Variants in LRRC7 observed in about 807,000 individuals in gnomAD.
The protein encoded by LRRC7 is leucine rich repeat containing 7.
LRRC7 carries 23 observed loss-of-function variants against 175.7 expected under a neutral mutation model. The ratio of observed to expected loss-of-function variants is 0.13; its 90% confidence interval spans 0.09 to 0.19. The LOEUF is 0.19. Among genes scored for constraint, LRRC7 ranks in the 10% least tolerant of loss-of-function variants. The pLI, the probability that LRRC7 is intolerant of heterozygous loss-of-function variation, is 1.00. For synonymous variants in LRRC7, 685 were observed against 680.9 expected (o/e 1.01, Z -0.09); for missense variants, 1,354 against 1,904.7 (o/e 0.71, Z 5.38).
chr1:70,056,319 T>C (rs912653148), intron 23 of LRRC7, among the ~76,000 whole-genome samples: 10 of 151,954 alleles, frequency 6.6e-5, no homozygotes, highest in Admixed American at 2.0e-4. Context: ...AAAGAAATAA[T>C]CAAAGATTAG....
rs769065058 is a variant in LRRC7, at chr1:69,881,714, CAAAA to C, written c.647+43439_647+43442del. Among the ~76,000 whole-genome samples, 586 of 93,558 alleles carry C rather than the reference CAAAA, an allele frequency of 6.3e-3. 3 individuals carry two copies. Among genetic ancestry groups the C allele is most frequent in the African/African-American group, 0.021 (541 of 25,346 alleles). 61.4% of individuals were successfully genotyped at this position (93,558 alleles called of 152,430 possible). A position where few individuals can be genotyped will look rare whatever the true frequency, so the allele number is the denominator to read the frequency against. ...CAACATAGTAAGATCCCCATCTCTA[CAAAA>C]AAAAAAACAAAATTAACCAAGAGTG... On this transcript the variant is annotated intron_variant, in intron 7 of 26. Transcript: ENST00000651989.
chr1:69,876,264 C>G (rs1570454698), intron 7 of LRRC7, among the ~76,000 whole-genome samples: 1 of 152,218 alleles, frequency 6.6e-6, no homozygotes, highest in African/African-American at 2.4e-5. Context: ...ATCAAATCAA[C>G]TTTTCTTGAG....
chr1:69,983,132 G>A (rs1653602747), intron 9 of LRRC7, among the ~76,000 whole-genome samples: 1 of 152,140 alleles, frequency 6.6e-6, no homozygotes, highest in Non-Finnish European at 1.5e-5. Context: ...ATAGTTCCTT[G>A]GGATGGAAAG....
intron 18 of LRRC7, among the ~76,000 whole-genome samples, chr1:70,030,843 A>T (rs781683005): frequency 6.6e-6 from 1 of 152,256 alleles, no homozygotes; most frequent in African/African-American, 2.4e-5. Flanking sequence ...CATTTTGCCA[A>T]CTAGATGCCA....
intron 2 of LRRC7, among the ~76,000 whole-genome samples, chr1:69,697,993 A>C (rs1662833192): frequency 6.6e-6 from 1 of 152,208 alleles, no homozygotes; most frequent in Non-Finnish European, 1.5e-5. Context: ...ATCTGTGCTC[A>C]CATCTTCAGA....
chr1:69,643,405 C>T (rs1009671416), intron 1 of LRRC7, among the ~76,000 whole-genome samples: 2 of 152,086 alleles, frequency 1.3e-5, no homozygotes, highest in South Asian at 4.1e-4. Flanking sequence ...TGTGTATCTG[C>T]AGAACCTGGC....
intron 7 of LRRC7, 119 bp downstream of exon 7, chr1:69,838,402 C>A: frequency 1.3e-6 from 1 of 742,046 alleles, no homozygotes; most frequent in Non-Finnish European, 2.3e-6. Context: ...ACACATTTTT[C>A]CTAAAGGCCA....
At chr1:69,886,315 T>C (rs1687192057) in intron 7 of LRRC7, among the ~76,000 whole-genome samples, 1 of 151,022 alleles carries the variant, frequency 6.6e-6, no homozygotes, top group Non-Finnish European at 1.5e-5. Flanking sequence ...ATTGGGTGCA[T>C]ATATATTTAG....
chr1:69,855,351 A>G (rs905820846), intron 7 of LRRC7, among the ~76,000 whole-genome samples: 35 of 152,130 alleles, frequency 2.3e-4, no homozygotes, highest in Non-Finnish European at 4.7e-4. Context: ...GTTTCAGAGA[A>G]CATCTTTATT....
At chr1:70,092,774 C>A (rs1483605743) in intron 25 of LRRC7, among the ~76,000 whole-genome samples, 2 of 152,110 alleles carry the variant, frequency 1.3e-5, no homozygotes, top group Non-Finnish European at 2.9e-5. Context: ...CAGAAAAACA[C>A]TTAGGGCAGC....
chr1:69,731,068 G>A (rs1042342112), intron 2 of LRRC7, among the ~76,000 whole-genome samples: 4 of 152,090 alleles, frequency 2.6e-5, no homozygotes, highest in African/African-American at 9.7e-5. Context: ...TTGGGAGGCT[G>A]AGGTGGGCGG....
intron 1 of LRRC7, among the ~76,000 whole-genome samples, chr1:69,667,224 A>G (rs1206840996): frequency 1.3e-5 from 2 of 151,592 alleles, no homozygotes; most frequent in African/African-American, 2.4e-5. Flanking sequence ...GTGATTTAAC[A>G]TATGGTCTAT....
At chr1:69,852,971 C>T (rs1683156358) in intron 7 of LRRC7, among the ~76,000 whole-genome samples, 1 of 152,084 alleles carries the variant, frequency 6.6e-6, no homozygotes. Context: ...CATAATGCAA[C>T]TATAATTGCT....
intron 17 of LRRC7, among the ~76,000 whole-genome samples, chr1:70,023,965 T>G (rs551664581): frequency 3.9e-5 from 6 of 152,138 alleles, no homozygotes; most frequent in Admixed American, 6.5e-5. Flanking sequence ...TCTCTGTGGT[T>G]GGGTGTTTTA....
At chr1:69,964,831 A>G (rs1651499586) in intron 8 of LRRC7, among the ~76,000 whole-genome samples, 1 of 152,218 alleles carries the variant, frequency 6.6e-6, no homozygotes, top group South Asian at 2.1e-4. Flanking sequence ...TTTGACACCT[A>G]CATAGTCCAT....
intron 1 of LRRC7, among the ~76,000 whole-genome samples, chr1:69,646,750 C>T (rs770477827): frequency 2.6e-5 from 4 of 152,070 alleles, no homozygotes; most frequent in Non-Finnish European, 4.4e-5. Flanking sequence ...CCAGTGCAGC[C>T]GAACCTCTAT....
rs190838186 is a variant in LRRC7 at position 70,086,186 on chromosome 1, C to A, written c.4453-3541C>A. Among the ~76,000 whole-genome samples the A allele has an allele frequency of 8.5e-5, 13 of 152,072 alleles. No homozygotes were observed. In the East Asian group the frequency reaches 2.5e-3, roughly 29 times the overall value. On this transcript the variant is annotated intron_variant, in intron 24 of 26. Transcript: ENST00000651989. ...TCACCCAGGCTGGAATGCAGTGGCA[C>A]AGTCATAGCTCACTGCAGCATCAAA...
intron 7 of LRRC7, among the ~76,000 whole-genome samples, chr1:69,853,270 CTTTTTTTTTTTTT>C (rs1163071175): frequency 4.0e-4 from 35 of 88,018 alleles, no homozygotes; most frequent in Middle Eastern, 9.3e-3. Flanking sequence ...TCCTTTCTTT[CTTTTTTTTTTTTT>C]TTTTTTTTTT....
chr1:70,104,824 G>C (rs1665034937), intron 25 of LRRC7, among the ~76,000 whole-genome samples: 1 of 152,048 alleles, frequency 6.6e-6, no homozygotes, highest in Non-Finnish European at 1.5e-5. Context: ...TCCCAGCATT[G>C]CAGATATGAT....
Sources: allele counts gnomAD v4.1 joint callset (sites outside exome capture counted in the v4.1 genomes callset), GRCh38; gene constraint gnomAD v4.1.1; transcripts MANE v1.5; gene names NCBI Gene and HGNC (gene_info 2026-07-23, HGNC 2026-07-21).